MCTP1: variants seen among roughly 807,000 people sequenced by gnomAD.
MCTP1 encodes multiple C2 and transmembrane domain-containing protein 1.
In MCTP1, 69 loss-of-function variants were observed where a neutral mutation model predicts 120.6. That is an observed-to-expected ratio of 0.57 (90% CI 0.47 to 0.70). The LOEUF (loss-of-function observed/expected upper bound fraction) is 0.70. MCTP1 is among the 30% of genes least tolerant of loss of function. The pLI, the probability that MCTP1 is intolerant of heterozygous loss-of-function variation, is 0.00. For missense variants in MCTP1, 1,203 were observed against 1,248.8 expected (o/e 0.96, Z 0.55); for synonymous variants, 529 against 493.1 (o/e 1.07, Z -0.96).
chr5:94,850,280 T>C (rs926445170), intron 17 of MCTP1, among the ~76,000 whole-genome samples: 4 of 152,138 alleles, frequency 2.6e-5, no homozygotes, highest in African/African-American at 9.7e-5. Context: ...AGCAAAATCG[T>C]GAACTTTAAG....
intron 11 of MCTP1, among the ~76,000 whole-genome samples, chr5:94,893,703 A>C (rs1274862096): frequency 6.6e-6 from 1 of 152,242 alleles, no homozygotes; most frequent in Non-Finnish European, 1.5e-5. Context: ...GATAAGGTAC[A>C]TCTTTATTAA....
chr5:95,064,888 T>C (rs889659854), intron 1 of MCTP1, among the ~76,000 whole-genome samples: 1 of 152,254 alleles, frequency 6.6e-6, no homozygotes, highest in African/African-American at 2.4e-5. Flanking sequence ...ACTTCAAAAA[T>C]GATTTGGCAG....
At chr5:94,889,084 G>GCAC in intron 11 of MCTP1, 112 bp from the exon 12 acceptor site, 1 of 664,106 alleles carries the variant, frequency 1.5e-6, no homozygotes, top group Non-Finnish European at 2.6e-6. Context: ...GGGGTAAGAA[G>GCAC]ATCAACATTA....
chr5:94,871,054 G>A, intron 14 of MCTP1, 81 bp from the exon 15 acceptor site: 1 of 1,138,832 alleles, frequency 8.8e-7, no homozygotes, highest in Non-Finnish European at 1.3e-6. Flanking sequence ...ACCCCCAGCT[G>A]CTGAAACTGA....
At chr5:95,240,444 C>T (rs1010537904) in intron 1 of MCTP1, among the ~76,000 whole-genome samples, 2 of 152,196 alleles carry the variant, frequency 1.3e-5, no homozygotes, top group African/African-American at 2.4e-5. Flanking sequence ...CTTGAGCTTT[C>T]AAAGGCTGAG....
intron 1 of MCTP1, among the ~76,000 whole-genome samples, chr5:95,113,701 C>T (rs1011406964): frequency 6.6e-6 from 1 of 152,134 alleles, no homozygotes; most frequent in African/African-American, 2.4e-5. Flanking sequence ...ACTTGAAAGG[C>T]ATTGTAGGCC....
At chr5:94,781,461 T>A (rs1776564883) in intron 18 of MCTP1, among the ~76,000 whole-genome samples, 1 of 152,140 alleles carries the variant, frequency 6.6e-6, no homozygotes, top group South Asian at 2.1e-4. Context: ...ATCATGTATC[T>A]CACAGAACTG....
chr5:94,939,241 C>T (rs1561890505), intron 5 of MCTP1, among the ~76,000 whole-genome samples: 5 of 152,008 alleles, frequency 3.3e-5, no homozygotes, highest in Admixed American at 2.6e-4. Flanking sequence ...AGCAGACAAT[C>T]TATAACCAAC....
chr5:95,204,197 C>A (rs1751375616), intron 1 of MCTP1, among the ~76,000 whole-genome samples: 1 of 152,088 alleles, frequency 6.6e-6, no homozygotes, highest in Non-Finnish European at 1.5e-5. Flanking sequence ...CAACTTATAA[C>A]CCTACAAGTC....
intron 12 of MCTP1, among the ~76,000 whole-genome samples, chr5:94,881,937 A>G (rs566708489): frequency 1.5e-3 from 236 of 152,316 alleles, no homozygotes; most frequent in Non-Finnish European, 2.8e-3. Context: ...ATACCCCAGC[A>G]TATTTGATGA....
intron 1 of MCTP1, among the ~76,000 whole-genome samples, chr5:95,182,704 A>G (rs1263513228): frequency 1.3e-5 from 2 of 152,166 alleles, no homozygotes; most frequent in East Asian, 1.9e-4. Context: ...AATAACTACC[A>G]TAGTCAGAAT....
chr5:94,825,972 A>G (rs1294802649), intron 17 of MCTP1: 3 of 257,638 alleles, frequency 1.2e-5, no homozygotes, highest in Non-Finnish European at 2.3e-5. Flanking sequence ...CATTCTTCTA[A>G]TAAGCCTGTT....
intron 17 of MCTP1, among the ~76,000 whole-genome samples, chr5:94,805,861 T>C (rs1662601842): frequency 6.9e-6 from 1 of 145,478 alleles, no homozygotes; most frequent in African/African-American, 2.6e-5. Flanking sequence ...CCCACGAAGC[T>C]CCACTGACTC....
chr5:95,082,674 A>T (rs718946), intron 1 of MCTP1, among the ~76,000 whole-genome samples: 73,803 of 152,072 alleles, frequency 0.49, 20,377 homozygotes, highest in Admixed American at 0.62. Context: ...TTCAATATGT[A>T]ATCATAATAA....
intron 1 of MCTP1, among the ~76,000 whole-genome samples, chr5:95,102,638 G>A (rs537516892): frequency 3.4e-4 from 52 of 152,188 alleles, no homozygotes; most frequent in Non-Finnish European, 4.9e-4. Flanking sequence ...AAGAACCCAG[G>A]GACTAGCAGA....
At chr5:95,281,580 G>A (rs556350448) in intron 1 of MCTP1, among the ~76,000 whole-genome samples, 1 of 152,194 alleles carries the variant, frequency 6.6e-6, no homozygotes, top group African/African-American at 2.4e-5. Flanking sequence ...CATTGGGCAA[G>A]TCCCTCAGGG....
chr5:94,708,556 C>G lies in MCTP1; in HGVS notation c.2884G>C (p.Glu962Gln), dbSNP rs528477568. 183 of 1,611,426 alleles carry G rather than the reference C, an allele frequency of 1.1e-4. 4 individuals carry two copies. The South Asian group carries it at 1.9e-3, about 17-fold the overall frequency. Residue 962 changes from glutamate (E) to glutamine (Q), a missense_variant, in exon 22 of 23, where the codon GAA becomes CAA. Physicochemically the swap from Glu to Gln is conservative, Grantham distance 29. Coordinates refer to ENST00000515393, the MANE Select transcript of MCTP1 (RefSeq NM_024717.7). ...LRSPYAIDNN[E>Q]LLDFLSRVPS... ...ACTCTGGAAAGGAAGTCAAGTAGTT[C>G]ATTGTTATCAATTGCATATGGACTC...
In MCTP1 at chr5:95,140,688, C is replaced by T. The variant is rs139597938; in HGVS notation, c.721-123204G>A. On this transcript the variant is annotated intron_variant, in intron 1 of 22. Transcript: ENST00000515393. ...CTGGCTAACACCGTGAAACCCTGTC[C>T]CTACTAAAAAAAAAAAAAAAAAAAA... 3.1e-4 allele frequency among the ~76,000 whole-genome samples: 34 copies of T among 110,686 alleles called. 1 individual carries two copies. The East Asian group carries it at 6.5e-3, about 21-fold the overall frequency. The allele number at this position is 110,686 out of a possible 152,430, so 72.6% of individuals were successfully genotyped here.
At chr5:94,722,019 C>T (rs1201347924) in intron 19 of MCTP1, among the ~76,000 whole-genome samples, 4 of 151,688 alleles carry the variant, frequency 2.6e-5, no homozygotes. Context: ...TTAAATAGTC[C>T]CTAAAACATC....
Sources: gnomAD v4.1 joint callset for allele counts (sites outside exome capture counted in the v4.1 genomes callset) on GRCh38, gnomAD v4.1.1 for gene constraint, MANE v1.5 for transcripts, NCBI Gene and HGNC (gene_info 2026-07-23, HGNC 2026-07-21) for gene names.